TBL1XR1: variants seen among roughly 807,000 people sequenced by gnomAD.
TBL1XR1 encodes TBL1X/Y related 1.
Under a neutral mutation model 66.9 loss-of-function variants are expected in TBL1XR1, and 5 were observed. That is an observed-to-expected ratio of 0.07 (90% CI 0.04 to 0.16). The LOEUF is 0.16. Ranked by LOEUF, TBL1XR1 falls within the 10% of genes least tolerant of loss-of-function variation. The pLI, the probability that TBL1XR1 is intolerant of heterozygous loss-of-function variation, is 1.00. For synonymous variants in TBL1XR1, 210 were observed against 206.0 expected (o/e 1.02, Z -0.17); for missense variants, 238 against 623.2 (o/e 0.38, Z 6.58).
chr3:177,126,632 T>C (rs1042102495), intron 1 of TBL1XR1, among the ~76,000 whole-genome samples: 2 of 152,200 alleles, frequency 1.3e-5, no homozygotes, highest in African/African-American at 4.8e-5. Context: ...CTTGTATTAC[T>C]TGTTCAGCTA....
intron 1 of TBL1XR1, among the ~76,000 whole-genome samples, chr3:177,140,416 T>C (rs1369137689): frequency 6.6e-6 from 1 of 152,198 alleles, no homozygotes; most frequent in Non-Finnish European, 1.5e-5. Context: ...AGCAGTCTCA[T>C]CCACCACACA....
At chr3:177,169,556 C>T (rs1733219817) in intron 1 of TBL1XR1, among the ~76,000 whole-genome samples, 1 of 152,220 alleles carries the variant, frequency 6.6e-6, no homozygotes, top group Non-Finnish European at 1.5e-5. Flanking sequence ...CATGTATATT[C>T]AGGCAATGCT....
chr3:177,191,891 G>A (rs538710405), intron 1 of TBL1XR1, among the ~76,000 whole-genome samples: 49 of 145,550 alleles, frequency 3.4e-4, no homozygotes, highest in African/African-American at 1.2e-3. Flanking sequence ...TCAGGAGTTC[G>A]AGACCAGCCT....
At chr3:177,051,306 T>C (rs73039620) in intron 5 of TBL1XR1, among the ~76,000 whole-genome samples, 198 bp downstream of exon 5, 2 of 150,616 alleles carry the variant, frequency 1.3e-5, no homozygotes, top group East Asian at 2.0e-4. Flanking sequence ...GGGTGGAGGG[T>C]GGGAGGAAGA....
At chr3:177,104,218 G>T (rs543515807) in intron 1 of TBL1XR1, among the ~76,000 whole-genome samples, 57 of 151,772 alleles carry the variant, frequency 3.8e-4, no homozygotes, top group Middle Eastern at 3.4e-3. Context: ...AAAAGTCACA[G>T]AAAAAGTTCA....
chr3:177,185,566 C>T (rs1735302845), intron 1 of TBL1XR1, among the ~76,000 whole-genome samples: 1 of 151,862 alleles, frequency 6.6e-6, no homozygotes, highest in African/African-American at 2.4e-5. Context: ...AAGATCAACG[C>T]CATTGCACTC....
chr3:177,178,197 G>A (rs928373056), intron 1 of TBL1XR1, among the ~76,000 whole-genome samples: 1 of 152,150 alleles, frequency 6.6e-6, no homozygotes, highest in African/African-American at 2.4e-5. Flanking sequence ...GGGCCAGATC[G>A]CACAGCAGAG....
chr3:177,111,688 TCCCAAA>T (rs1725584311), intron 1 of TBL1XR1, among the ~76,000 whole-genome samples: 1 of 152,044 alleles, frequency 6.6e-6, no homozygotes. Context: ...CATCACACCT[TCCCAAA>T]CCAGGTGCAG....
At chr3:177,190,598 G>C (rs367946016) in intron 1 of TBL1XR1, among the ~76,000 whole-genome samples, 9 of 152,274 alleles carry the variant, frequency 5.9e-5, no homozygotes, top group African/African-American at 2.2e-4. Flanking sequence ...GATTACAGGC[G>C]TGGGCCACCG....
chr3:177,029,922 T>C (rs1029065869), intron 14 of TBL1XR1, among the ~76,000 whole-genome samples: 2 of 152,148 alleles, frequency 1.3e-5, no homozygotes, highest in Non-Finnish European at 1.5e-5. Flanking sequence ...ATCCATGTAA[T>C]TGGAAAAATG....
At chr3:177,112,107 A>ATATTTTT in intron 1 of TBL1XR1, among the ~76,000 whole-genome samples, 4 of 37,650 alleles carry the variant, frequency 1.1e-4, no homozygotes, top group South Asian at 1.1e-3. Context: ...ATATATATAT[A>ATATTTTT]TTTTTTTTTT....
At chr3:177,162,906 T>C (rs187420531) in intron 1 of TBL1XR1, among the ~76,000 whole-genome samples, 2 of 152,330 alleles carry the variant, frequency 1.3e-5, no homozygotes, top group Admixed American at 6.5e-5. Flanking sequence ...TTGGTAACAC[T>C]ATGTTGGCAA....
rs201947366 is a variant in TBL1XR1 at position 177,052,718 on chromosome 3, CAT to C, written c.205-994_205-993del. 2.7e-3 allele frequency among the ~76,000 whole-genome samples: 415 copies of C among 152,262 alleles called. 3 individuals are homozygous for C. Among genetic ancestry groups the C allele is most frequent in the African/African-American group, 9.5e-3 (396 of 41,550 alleles). The stretch of plus-strand genomic sequence containing the variant: ...TAGTAATAATCATTGATACAGAAAT[CAT>C]AGATACTTCAGTTTAAAAATACTCG... On this transcript the variant is annotated intron_variant, in intron 4 of 15. Transcript: ENST00000457928.
chr3:177,148,728 G>A (rs1212534606), intron 1 of TBL1XR1, among the ~76,000 whole-genome samples: 1 of 150,300 alleles, frequency 6.7e-6, no homozygotes, highest in African/African-American at 2.5e-5. Flanking sequence ...AATAAAAATT[G>A]GCTGGGTGCG....
intron 1 of TBL1XR1, among the ~76,000 whole-genome samples, chr3:177,169,704 T>A (rs1413218746): frequency 2.0e-5 from 3 of 152,144 alleles, no homozygotes; most frequent in Non-Finnish European, 2.9e-5. Flanking sequence ...CAAACACTAA[T>A]CCCTCACTCT....
intron 1 of TBL1XR1, among the ~76,000 whole-genome samples, chr3:177,182,914 T>C (rs1305529135): frequency 6.6e-6 from 1 of 152,232 alleles, no homozygotes; most frequent in East Asian, 1.9e-4. Flanking sequence ...TTCTAAGTAC[T>C]GTCCTTTATG....
intron 2 of TBL1XR1, among the ~76,000 whole-genome samples, chr3:177,089,240 G>T (rs531777117): frequency 6.6e-6 from 1 of 152,248 alleles, no homozygotes; most frequent in African/African-American, 2.4e-5. Flanking sequence ...TGCAGAAGAG[G>T]CCAGCAGGGC....
intron 1 of TBL1XR1, among the ~76,000 whole-genome samples, chr3:177,119,788 A>G (rs1286706364): frequency 6.6e-6 from 1 of 152,222 alleles, no homozygotes; most frequent in Non-Finnish European, 1.5e-5. Flanking sequence ...GAAACATTCC[A>G]AAGAATCCTT....
chr3:177,031,151 G>A (rs535556805), intron 14 of TBL1XR1, among the ~76,000 whole-genome samples: 35 of 151,932 alleles, frequency 2.3e-4, no homozygotes, highest in Non-Finnish European at 4.6e-4. Context: ...AGTTTAGCTG[G>A]GTGTATGATT....
Sources: gnomAD v4.1 joint callset for allele counts (sites outside exome capture counted in the v4.1 genomes callset) on GRCh38, gnomAD v4.1.1 for gene constraint, MANE v1.5 for transcripts, NCBI Gene and HGNC (gene_info 2026-07-23, HGNC 2026-07-21) for gene names.